Variants in HEG1 observed in about 807,000 individuals in gnomAD.
The protein encoded by HEG1 is heart development protein with EGF like domains 1.
Under a neutral mutation model 125.6 loss-of-function variants are expected in HEG1, and 56 were observed. The ratio of observed to expected loss-of-function variants is 0.45; its 90% CI spans 0.36 to 0.56. The LOEUF (loss-of-function observed/expected upper bound fraction) is 0.56, where lower values mean the gene tolerates loss of function less well. Among genes scored for constraint, HEG1 ranks in the 20% least tolerant of loss-of-function variants. The probability of loss-of-function intolerance (pLI) is 0.00; values close to 1 mark genes in which losing one functional copy is unlikely to be tolerated. For synonymous variants in HEG1, 644 were observed against 668.5 expected (o/e 0.96, Z 0.57); for missense variants, 1,523 against 1,670.0 (o/e 0.91, Z 1.53).
intron 8 of HEG1, among the ~76,000 whole-genome samples, chr3:125,008,843 T>C (rs1386958879): frequency 6.6e-6 from 1 of 152,220 alleles, no homozygotes; most frequent in African/African-American, 2.4e-5. Context: ...ACTCTGTATC[T>C]TTCATTTCTA....
intron 14 of HEG1, among the ~76,000 whole-genome samples, chr3:124,989,000 C>A (rs754313891): frequency 1.3e-5 from 2 of 152,148 alleles, no homozygotes; most frequent in Non-Finnish European, 2.9e-5. Flanking sequence ...TTTAGAATTG[C>A]CTCCCTAGTC....
At chr3:125,015,451 T>C (rs1366327014) in intron 5 of HEG1, among the ~76,000 whole-genome samples, 1 of 152,208 alleles carries the variant, frequency 6.6e-6, no homozygotes, top group Non-Finnish European at 1.5e-5. Context: ...GGACCAGGAA[T>C]ACATGAATGG....
chr3:125,006,032 G>A lies in HEG1; in HGVS notation c.3194-664C>T, dbSNP rs186130787. 3.3e-5 allele frequency among the ~76,000 whole-genome samples: 5 copies of A among 152,322 alleles called. No individual in the cohort carries two copies. In the East Asian group the frequency reaches 9.6e-4, roughly 29 times the overall value. On this transcript the variant is annotated intron_variant, in intron 8 of 16. Coordinates refer to ENST00000311127, the MANE Select transcript of HEG1 (RefSeq NM_020733.2). ...CTCCCAAGGGCCACCACTGGCATTG[G>A]AGCGTATGCGTGTCCATCTTCAAAG...
chr3:125,034,751 G>C (rs1286440999), intron 1 of HEG1, among the ~76,000 whole-genome samples: 12 of 152,120 alleles, frequency 7.9e-5, no homozygotes, highest in Admixed American at 7.9e-4. Context: ...AGTGAGCTGT[G>C]ATTGTGCCAC....
chr3:125,053,617 A>C (rs1344209177), intron 1 of HEG1, among the ~76,000 whole-genome samples: 1 of 152,172 alleles, frequency 6.6e-6, no homozygotes, highest in Non-Finnish European at 1.5e-5. Flanking sequence ...GAAGGTGTAC[A>C]CTATTCCAAC....
intron 14 of HEG1, among the ~76,000 whole-genome samples, chr3:124,989,710 G>A (rs1936797523): frequency 6.6e-6 from 1 of 152,170 alleles, no homozygotes; most frequent in South Asian, 2.1e-4. Context: ...GGACTCCTAA[G>A]TGTGTCTCTA....
intron 1 of HEG1, among the ~76,000 whole-genome samples, chr3:125,041,786 AAC>A (rs1416852945): frequency 5.9e-5 from 9 of 152,258 alleles, no homozygotes; most frequent in African/African-American, 2.2e-4. Context: ...GGGAAATTCT[AAC>A]ACATGCTACA....
intron 11 of HEG1, among the ~76,000 whole-genome samples, chr3:125,000,423 T>C (rs539436625): frequency 6.6e-5 from 10 of 152,340 alleles, no homozygotes; most frequent in African/African-American, 2.2e-4. Context: ...TTTAGTGAAC[T>C]GAAAGGTGAC....
Position 125,055,963 on chromosome 3 carries a change from CGG to C in HEG1, c.-75_-74del. 1 of 857,758 alleles carries C rather than the reference CGG, an allele frequency of 1.2e-6. No homozygotes were observed. Among genetic ancestry groups the C allele is most frequent in the African/African-American group, 1.8e-5 (1 of 54,302 alleles). 53.1% of individuals were successfully genotyped at this position (857,758 alleles called of 1,614,324 possible). ...GCAGCGGGCAGCGGGCAGCGGGCGG[CGG>C]GGGCCGCGCGGGGCCGGGGAAGTGA... On this transcript the variant is annotated 5_prime_UTR_variant, in exon 1 of 17. Coordinates refer to ENST00000311127, the MANE Select transcript of HEG1 (RefSeq NM_020733.2).
chr3:124,997,726 T>C lies in HEG1; in HGVS notation c.3615A>G (p.Gly1205=). ...DGVALCQCKS[G]YFQFNKMDHS... is the part of the protein sequence containing the mutation. Reference sequence around the variant, plus strand: ...GGTCCATCTTGTTGAACTGAAAGTATCCCGACTTGCACTGGCACAGGGCAA... The same window carrying C: ...GGTCCATCTTGTTGAACTGAAAGTACCCCGACTTGCACTGGCACAGGGCAA... Residue 1205 remains glycine, a synonymous_variant, in exon 12 of 17, where the codon GGA becomes GGG. Coordinates refer to ENST00000311127, the MANE Select transcript of HEG1 (RefSeq NM_020733.2). 1 of 1,594,050 alleles carries C rather than the reference T, an allele frequency of 6.3e-7. No homozygotes were observed. Among genetic ancestry groups the C allele is most frequent in the African/African-American group, 1.3e-5 (1 of 74,728 alleles).
In HEG1 at chr3:125,021,081, G is replaced by C. The variant is rs1305199011; in HGVS notation, c.963C>G (p.Ser321=). The change falls in exon 4 of 17, where the codon TCC becomes TCG. Residue 321 remains serine, a synonymous_variant. Coordinates refer to ENST00000311127, the MANE Select transcript of HEG1 (RefSeq NM_020733.2). ...GCATTGTCTTTGTTTGACTGACTGAGGAGCTCTGGAGGCCAGTGGAGTTGT... is the reference window on the plus strand; with the variant it reads ...GCATTGTCTTTGTTTGACTGACTGACGAGCTCTGGAGGCCAGTGGAGTTGT... ...KLNNSTGLQS[S]SVSQTKTMHV... 1.9e-6 allele frequency: 3 copies of C among 1,598,976 alleles called. No homozygotes were observed. The highest frequency in any genetic ancestry group is 1.6e-4 in the Middle Eastern group (1 of 6,066).
intron 1 of HEG1, among the ~76,000 whole-genome samples, chr3:125,041,491 G>A (rs1371037843): frequency 6.6e-6 from 1 of 152,208 alleles, no homozygotes; most frequent in Non-Finnish European, 1.5e-5. Context: ...GAACACTCCC[G>A]CAGTGCTGGT....
At chr3:125,017,795 C>T (rs962001128) in intron 5 of HEG1, among the ~76,000 whole-genome samples, 29 of 150,720 alleles carry the variant, frequency 1.9e-4, no homozygotes, top group African/African-American at 6.8e-4. Flanking sequence ...CTGAAGCAGG[C>T]GGATCATGAG....
chr3:125,050,231 G>T (rs2107715037), intron 1 of HEG1, among the ~76,000 whole-genome samples: 1 of 150,744 alleles, frequency 6.6e-6, no homozygotes, highest in African/African-American at 2.4e-5. Flanking sequence ...GCAACCTCCG[G>T]CTCCCAGGTT....
Position 124,969,824 on chromosome 3 carries a change from T to C in HEG1, c.*828A>G, listed in dbSNP as rs901479905. On this transcript the variant is annotated 3_prime_UTR_variant, in exon 17 of 17. Coordinates refer to ENST00000311127, the MANE Select transcript of HEG1 (RefSeq NM_020733.2). ...TCCCAGGCCCCAGGCTGGGCCCTCATGGATGAAAAGTGCCCCCCTGCCTGC... is the reference window on the plus strand; with the variant it reads ...TCCCAGGCCCCAGGCTGGGCCCTCACGGATGAAAAGTGCCCCCCTGCCTGC... 2.6e-5 allele frequency: 4 copies of C among 152,144 alleles called. No homozygotes were observed. The highest frequency in any genetic ancestry group is 5.9e-5 in the Non-Finnish European group (4 of 68,052). 9.4% of individuals were successfully genotyped at this position (152,144 alleles called of 1,614,324 possible).
intron 8 of HEG1, among the ~76,000 whole-genome samples, chr3:125,006,873 G>A (rs748570914): frequency 1.3e-5 from 2 of 152,216 alleles, no homozygotes; most frequent in African/African-American, 4.8e-5. Context: ...CATCTCACGT[G>A]TCTAGGCTGA....
chr3:124,978,145 T>C (rs1936579661), intron 14 of HEG1, among the ~76,000 whole-genome samples, 199 bp from the exon 15 acceptor site: 1 of 151,602 alleles, frequency 6.6e-6, no homozygotes, highest in Admixed American at 6.5e-5. Flanking sequence ...TTTTTTGTTG[T>C]TGTTGTTGTT....
chr3:125,008,140 T>C (rs1459290953), intron 8 of HEG1, among the ~76,000 whole-genome samples: 1 of 152,102 alleles, frequency 6.6e-6, no homozygotes, highest in African/African-American at 2.4e-5. Flanking sequence ...GAATTCCTGA[T>C]CTCAAGTGAT....
rs750119980 is a variant in HEG1 at position 124,977,839 on chromosome 3, C to G, written c.3821+20G>C. 4.6e-6 allele frequency: 7 copies of G among 1,520,350 alleles called. No individual in the cohort carries two copies. The highest frequency in any genetic ancestry group is 3.4e-4 in the Middle Eastern group (2 of 5,896). The allele number at this position is 1,520,350 out of a possible 1,614,324, so 94.2% of individuals were successfully genotyped here. On this transcript the variant is annotated intron_variant, in intron 15 of 16. Coordinates refer to ENST00000311127, the MANE Select transcript of HEG1 (RefSeq NM_020733.2). ...CACAGGCAAAGGAACGGGATTGGAA[C>G]CTGAACTCTCATCACTTACCTGCAA...
Sources: allele counts gnomAD v4.1 joint callset (sites outside exome capture counted in the v4.1 genomes callset), GRCh38; gene constraint gnomAD v4.1.1; transcripts MANE v1.5; gene names NCBI Gene and HGNC (gene_info 2026-07-23, HGNC 2026-07-21).